SEMA3D: variants seen among roughly 807,000 people sequenced by gnomAD.
The protein encoded by SEMA3D is semaphorin-3D.
Under a neutral mutation model 100.1 loss-of-function variants are expected in SEMA3D, and 84 were observed. The observed-to-expected ratio is 0.84, with a 90% CI of 0.70 to 1.01. SEMA3D has a LOEUF of 1.01. SEMA3D is among the 50% of genes least tolerant of loss of function. The probability of loss-of-function intolerance (pLI) is 0.00; values close to 1 mark genes in which losing one functional copy is unlikely to be tolerated. For synonymous variants in SEMA3D, 312 were observed against 320.7 expected (o/e 0.97, Z 0.29); for missense variants, 875 against 934.1 (o/e 0.94, Z 0.82).
At chr7:85,178,286 T>G (rs1401910105) in intron 1 of SEMA3D, among the ~76,000 whole-genome samples, 1 of 152,132 alleles carries the variant, frequency 6.6e-6, no homozygotes, top group African/African-American at 2.4e-5. Flanking sequence ...GGAAGCGACT[T>G]TGGAACTGGG....
rs973388768 is a variant in SEMA3D, at chr7:85,121,816, T to C, written c.76A>G (p.Ser26Gly). 2.5e-6 allele frequency: 4 copies of C among 1,610,596 alleles called. No individual in the cohort carries two copies. In the African/African-American group the frequency reaches 4.0e-5, roughly 16 times the overall value. The change falls in exon 3 of 19, where the codon AGC (serine) becomes GGC (glycine). Residue 26 changes from serine to glycine, a missense_variant. Physicochemically the swap from Ser to Gly is moderately conservative, Grantham distance 56. Coordinates refer to ENST00000284136, the MANE Select transcript of SEMA3D (RefSeq NM_001384900.1). ...ACTGGAAGAAACAACATGGTCATGC[T>C]TAGCATCATCAAAGCAGGAAAAAGG... ...FHLFPALMML[S>G]MTMLFLPVTG...
chr7:85,183,255 G>A (rs1791449489), intron 1 of SEMA3D, among the ~76,000 whole-genome samples: 1 of 152,174 alleles, frequency 6.6e-6, no homozygotes, highest in Non-Finnish European at 1.5e-5. Flanking sequence ...TCTGGTTTAT[G>A]ATAACCCTTT....
intron 2 of SEMA3D, among the ~76,000 whole-genome samples, chr7:85,134,866 T>C (rs1437067205): frequency 6.6e-6 from 1 of 151,966 alleles, no homozygotes; most frequent in Admixed American, 6.6e-5. Context: ...AAGGAACATA[T>C]GGGAATGTGG....
At chr7:85,123,360 A>G (rs1480840986) in intron 2 of SEMA3D, among the ~76,000 whole-genome samples, 1 of 152,192 alleles carries the variant, frequency 6.6e-6, no homozygotes, top group Non-Finnish European at 1.5e-5. Flanking sequence ...ATCATAATAA[A>G]AAAAGCATTA....
intron 4 of SEMA3D, among the ~76,000 whole-genome samples, chr7:85,084,101 C>T (rs1481135244): frequency 6.6e-6 from 1 of 151,502 alleles, no homozygotes; most frequent in Non-Finnish European, 1.5e-5. Flanking sequence ...GAGAGGAGAT[C>T]GCGCCACTGC....
chr7:85,159,640 T>C (rs1490172804), intron 1 of SEMA3D, among the ~76,000 whole-genome samples: 2 of 152,212 alleles, frequency 1.3e-5, no homozygotes, highest in Non-Finnish European at 2.9e-5. Flanking sequence ...TTATTATGGC[T>C]TTATCTCTAA....
At position 85,102,264 on chromosome 7, in the gene SEMA3D, C is replaced by CA. The variant is rs557503068; in HGVS notation, c.152-4300dup. 2.0e-3 allele frequency among the ~76,000 whole-genome samples: 308 copies of CA among 152,036 alleles called. 3 individuals are homozygous for CA. Among genetic ancestry groups the CA allele is most frequent in the African/African-American group, 7.2e-3 (297 of 41,512 alleles). On this transcript the variant is annotated intron_variant, in intron 3 of 18. Coordinates refer to ENST00000284136, the MANE Select transcript of SEMA3D (RefSeq NM_001384900.1). ...AAAAATTTGTTCCAGGCAGAATGAA[C>CA]ACTAGGCTGTACAGGAACACATGTT...
At chr7:85,077,609 C>T (rs1787911437) in intron 5 of SEMA3D, among the ~76,000 whole-genome samples, 1 of 151,910 alleles carries the variant, frequency 6.6e-6, no homozygotes, top group East Asian at 1.9e-4. Context: ...CAAGCTAAAA[C>T]AGCAAAAATA....
At chr7:85,001,439 T>A (rs978012847) in intron 18 of SEMA3D, among the ~76,000 whole-genome samples, 4 of 152,226 alleles carry the variant, frequency 2.6e-5, no homozygotes, top group Admixed American at 6.5e-5. Context: ...AGAAGTCTCA[T>A]GCCTAAAATA....
chr7:85,098,594 C>T (rs777448058), intron 3 of SEMA3D, among the ~76,000 whole-genome samples: 29 of 151,722 alleles, frequency 1.9e-4, no homozygotes, highest in Non-Finnish European at 3.2e-4. Context: ...ATACTTCTTG[C>T]CCCACACATT....
intron 1 of SEMA3D, chr7:85,157,553 C>T (rs575545981): frequency 3.7e-5 from 17 of 458,818 alleles, no homozygotes; most frequent in Non-Finnish European, 4.3e-5. Flanking sequence ...CTGAGCTTTT[C>T]GCACCATGTC....
intron 1 of SEMA3D, among the ~76,000 whole-genome samples, chr7:85,162,874 G>C (rs1429702086): frequency 3.3e-5 from 5 of 152,048 alleles, no homozygotes; most frequent in Non-Finnish European, 7.4e-5. Context: ...ACATCATCTT[G>C]GAACTGACTG....
At chr7:85,070,439 A>G (rs1242611956) in intron 6 of SEMA3D, among the ~76,000 whole-genome samples, 2 of 152,122 alleles carry the variant, frequency 1.3e-5, no homozygotes, top group African/African-American at 4.8e-5. Context: ...TCCCTGAAGT[A>G]TACCTTTTTC....
intron 2 of SEMA3D, among the ~76,000 whole-genome samples, chr7:85,133,493 C>T (rs1789782216): frequency 1.3e-5 from 2 of 151,970 alleles, no homozygotes; most frequent in Non-Finnish European, 2.9e-5. Flanking sequence ...TGTTCTAAAA[C>T]TAGCGCAACG....
At chr7:85,121,712 A>C in intron 3 of SEMA3D, 29 bp downstream of exon 3, 1 of 1,256,820 alleles carries the variant, frequency 8.0e-7, no homozygotes, top group Non-Finnish European at 1.1e-6. Flanking sequence ...AATCTTAATA[A>C]ACAATTTAGA....
chr7:85,054,035 T>C (rs144509266), intron 9 of SEMA3D, among the ~76,000 whole-genome samples: 2 of 151,908 alleles, frequency 1.3e-5, no homozygotes, highest in Non-Finnish European at 2.9e-5. Flanking sequence ...ATTACATGGT[T>C]GATGTTTAGA....
chr7:85,061,285 T>C (rs1791471436), intron 8 of SEMA3D, among the ~76,000 whole-genome samples: 1 of 152,134 alleles, frequency 6.6e-6, no homozygotes, highest in Admixed American at 6.5e-5. Flanking sequence ...ACTTTTTAAG[T>C]CTAAACTGGA....
At chr7:85,220,039 A>G in the SEMA3D span, among the ~76,000 whole-genome samples, 2 of 152,096 alleles carry the variant, frequency 1.3e-5, no homozygotes, top group Non-Finnish European at 2.9e-5. Flanking sequence ...GGAAATTGTC[A>G]GTAATCCCCT....
At chr7:85,173,030 A>G (rs1791126596) in intron 1 of SEMA3D, among the ~76,000 whole-genome samples, 1 of 152,184 alleles carries the variant, frequency 6.6e-6, no homozygotes, top group Admixed American at 6.6e-5. Context: ...TTGTAATCAC[A>G]CAGTGGAAGT....
Sources: allele counts gnomAD v4.1 joint callset (sites outside exome capture counted in the v4.1 genomes callset), GRCh38; gene constraint gnomAD v4.1.1; transcripts MANE v1.5; gene names NCBI Gene and HGNC (gene_info 2026-07-23, HGNC 2026-07-21).